The following DOCK10 variants were observed in gnomAD, a reference collection of about 807,000 sequenced individuals.
The protein encoded by DOCK10 is dedicator of cytokinesis 10.
DOCK10 carries 145 observed loss-of-function variants against 280.1 expected under a neutral mutation model. That is an observed-to-expected ratio of 0.52 (90% CI 0.45 to 0.59). The LOEUF (loss-of-function observed/expected upper bound fraction) is 0.59. Ranked by LOEUF, DOCK10 falls within the 20% of genes least tolerant of loss-of-function variation. The pLI, the probability that DOCK10 is intolerant of heterozygous loss-of-function variation, is 0.00. For missense variants in DOCK10, 2,368 were observed against 2,651.7 expected, an observed-to-expected ratio of 0.89 and a Z score of 2.35; for synonymous variants, 915 against 942.2, an observed-to-expected ratio of 0.97 and a Z score of 0.53.
In DOCK10 at chr2:224,807,999, T is replaced by G; in HGVS notation, c.3497A>C (p.Gln1166Pro). The G allele has an allele frequency of 6.2e-7, 1 of 1,612,990 alleles. No homozygotes were observed. The highest frequency in any genetic ancestry group is 8.5e-7 in the Non-Finnish European group (1 of 1,179,412). ...TAAGTGTCTGACATCTTGGTCTTCC[T>G]GCAGGGCAAAGCCAACTTCTCGGAG... is the stretch of plus-strand genomic sequence containing the variant. ...ILLREVGFAL[Q>P]EDQDVRHLAL... The change falls in exon 32 of 56, where the codon CAG becomes CCG. Residue 1166 changes from glutamine (Q) to proline (P), a missense_variant. Physicochemically the swap from Gln to Pro is moderately conservative, Grantham distance 76. Coordinates refer to ENST00000258390, the MANE Select transcript of DOCK10 (RefSeq NM_014689.3).
intron 1 of DOCK10, among the ~76,000 whole-genome samples, chr2:224,971,373 A>C (rs1705071364): frequency 6.6e-6 from 1 of 151,918 alleles, no homozygotes; most frequent in African/African-American, 2.4e-5. Flanking sequence ...TTGCAGGTGA[A>C]GAGAGGAGAG....
chr2:224,888,672 T>C (rs1444547625), intron 4 of DOCK10, among the ~76,000 whole-genome samples: 2 of 152,010 alleles, frequency 1.3e-5, no homozygotes, highest in African/African-American at 2.4e-5. Flanking sequence ...CATGTATATA[T>C]GTGTGAATAT....
At chr2:224,834,855 A>G (rs6704619) in intron 25 of DOCK10, among the ~76,000 whole-genome samples, 45,234 of 152,068 alleles carry the variant, frequency 0.3, 7,981 homozygotes, top group African/African-American at 0.49. Flanking sequence ...GCTAGTTTTC[A>G]GTATTTCTTC....
intron 25 of DOCK10, among the ~76,000 whole-genome samples, chr2:224,836,537 G>A (rs1695604211): frequency 6.6e-6 from 1 of 151,960 alleles, no homozygotes; most frequent in Admixed American, 6.6e-5. Context: ...CCTTACAGAT[G>A]GTATCTCAGA....
At chr2:224,883,675 C>T (rs1699104024) in intron 7 of DOCK10, among the ~76,000 whole-genome samples, 1 of 152,120 alleles carries the variant, frequency 6.6e-6, no homozygotes, top group African/African-American at 2.4e-5. Flanking sequence ...TGCATGAATC[C>T]CAAGCTTGTG....
chr2:224,834,361 C>T (rs552940607), intron 25 of DOCK10, 98 bp from the exon 26 acceptor site: 1 of 745,874 alleles, frequency 1.3e-6, no homozygotes, highest in East Asian at 2.6e-5. Flanking sequence ...AAATTATCTG[C>T]TCATGCCAGA....
At chr2:224,872,373 C>T (rs1483222395) in intron 11 of DOCK10, among the ~76,000 whole-genome samples, 2 of 152,164 alleles carry the variant, frequency 1.3e-5, no homozygotes, top group African/African-American at 4.8e-5. Context: ...TTATTATCTC[C>T]ATTTAAAGGA....
intron 26 of DOCK10, among the ~76,000 whole-genome samples, chr2:224,831,060 G>A (rs1039886698): frequency 3.4e-4 from 52 of 152,054 alleles, no homozygotes; most frequent in African/African-American, 1.2e-3. Flanking sequence ...CAGTCTCCCG[G>A]ACAGCTGCGA....
At chr2:225,024,905 AAAAG>A (rs1244764671) in intron 1 of DOCK10, among the ~76,000 whole-genome samples, 4 of 151,784 alleles carry the variant, frequency 2.6e-5, no homozygotes, top group Admixed American at 6.6e-5. Context: ...AAAAAAAAGA[AAAAG>A]AAAAAAAAAT....
chr2:224,846,548 A>G (rs1696367294), intron 19 of DOCK10, among the ~76,000 whole-genome samples: 1 of 140,082 alleles, frequency 7.1e-6, no homozygotes, highest in Non-Finnish European at 1.5e-5. Flanking sequence ...TCACCAGGCT[A>G]CAGTGCAGTG....
In DOCK10 at chr2:224,793,386, T is replaced by G; in HGVS notation, c.5212+14A>C. On this transcript the variant is annotated intron_variant, in intron 46 of 55. Coordinates refer to ENST00000258390, the MANE Select transcript of DOCK10 (RefSeq NM_014689.3). The stretch of plus-strand genomic sequence containing the variant: ...ATATCTAGGCTTTTTGCCTCCCTCA[T>G]GTGGTCATCTTACCCTTTCTTTTCA... 6.2e-7 allele frequency: 1 copy of G among 1,609,860 alleles called. No homozygotes were observed. The highest frequency in any genetic ancestry group is 1.1e-5 in the South Asian group (1 of 90,456).
At chr2:224,896,249 A>C (rs1322228234) in intron 4 of DOCK10, 46 bp downstream of exon 4, 1 of 1,132,934 alleles carries the variant, frequency 8.8e-7, no homozygotes, top group Non-Finnish European at 1.3e-6. Context: ...AGAGGATGTC[A>C]TCTATATTTG....
At chr2:224,785,222 C>T (rs899685200) in intron 50 of DOCK10, among the ~76,000 whole-genome samples, 13 of 152,114 alleles carry the variant, frequency 8.5e-5, no homozygotes, top group Admixed American at 8.5e-4. Context: ...ACTTCTCTCT[C>T]TCCCAATGTG....
chr2:225,008,674 A>T (rs1689345161), intron 1 of DOCK10, among the ~76,000 whole-genome samples: 1 of 152,172 alleles, frequency 6.6e-6, no homozygotes, highest in Admixed American at 6.5e-5. Context: ...ATTGTGAAAA[A>T]AATATTGAGA....
intron 2 of DOCK10, among the ~76,000 whole-genome samples, chr2:224,920,663 T>A (rs1000415118): frequency 1.0e-5 from 1 of 97,696 alleles, no homozygotes; most frequent in Admixed American, 1.1e-4. Flanking sequence ...TTCTTTCTAA[T>A]TAAAAAAAAA....
chr2:225,034,761 C>A (rs1266858743), intron 1 of DOCK10, among the ~76,000 whole-genome samples: 1 of 152,040 alleles, frequency 6.6e-6, no homozygotes, highest in African/African-American at 2.4e-5. Context: ...GAAATGAAAT[C>A]AATAAAAAGA....
At chr2:224,953,926 G>GCA (rs200206267) in intron 1 of DOCK10, among the ~76,000 whole-genome samples, 1,450 of 137,164 alleles carry the variant, frequency 0.011, 30 homozygotes, top group African/African-American at 0.038. Context: ...GTCTGTGTGT[G>GCA]CAGAGTGTGT....
chr2:224,844,896 T>C, intron 21 of DOCK10, 57 bp from the exon 22 acceptor site: 1 of 1,222,284 alleles, frequency 8.2e-7, no homozygotes, highest in Non-Finnish European at 1.2e-6. Flanking sequence ...AGAAAATAAA[T>C]AGATTGTTTA....
At chr2:224,890,622 A>G (rs1356781388) in intron 4 of DOCK10, among the ~76,000 whole-genome samples, 1 of 152,234 alleles carries the variant, frequency 6.6e-6, no homozygotes, top group Non-Finnish European at 1.5e-5. Flanking sequence ...AAAAGAAGCT[A>G]CTGATACGTG....
Sources: gnomAD v4.1 joint callset for allele counts (sites outside exome capture counted in the v4.1 genomes callset) on GRCh38, gnomAD v4.1.1 for gene constraint, MANE v1.5 for transcripts, NCBI Gene and HGNC (gene_info 2026-07-23, HGNC 2026-07-21) for gene names.